The following UNC13C variants were observed in gnomAD, a reference collection of about 807,000 sequenced individuals.
The protein encoded by UNC13C is protein unc-13 homolog C.
In UNC13C, 174 loss-of-function variants were observed where a neutral mutation model predicts 245.4. The ratio of observed to expected loss-of-function variants is 0.71; its 90% CI spans 0.63 to 0.80. The LOEUF (loss-of-function observed/expected upper bound fraction) is 0.80, where lower values mean the gene tolerates loss of function less well. Among genes scored for constraint, UNC13C ranks in the 30% least tolerant of loss-of-function variants. UNC13C has a pLI of 0.00. For synonymous variants in UNC13C, 992 were observed against 895.1 expected (o/e 1.11, Z -1.93); for missense variants, 2,829 against 2,602.9 (o/e 1.09, Z -1.89).
At chr15:54,230,079 T>C (rs1206829935) in intron 4 of UNC13C, among the ~76,000 whole-genome samples, 1 of 58,312 alleles carries the variant, frequency 1.7e-5, no homozygotes, top group Non-Finnish European at 3.7e-5. Context: ...TGGCAATAAA[T>C]ATAGGAGTGA....
At chr15:54,360,203 A>G (rs779556954) in intron 17 of UNC13C, among the ~76,000 whole-genome samples, 28 of 152,032 alleles carry the variant, frequency 1.8e-4, no homozygotes, top group Non-Finnish European at 3.1e-4. Context: ...ATTTAGTAAG[A>G]CCTGTTCTGT....
chr15:54,406,844 A>G (rs1011697000), intron 18 of UNC13C, among the ~76,000 whole-genome samples: 1 of 152,188 alleles, frequency 6.6e-6, no homozygotes. Context: ...AAGGGAGGTG[A>G]TACTTGAGCT....
chr15:54,326,998 T>C (rs941008987), intron 14 of UNC13C, among the ~76,000 whole-genome samples: 19 of 152,028 alleles, frequency 1.2e-4, no homozygotes, highest in Non-Finnish European at 2.1e-4. Flanking sequence ...AGCGCATCAC[T>C]GAGTATAAAT....
intron 2 of UNC13C, among the ~76,000 whole-genome samples, chr15:54,030,241 G>A (rs1896300668): frequency 6.6e-6 from 1 of 152,052 alleles, no homozygotes; most frequent in South Asian, 2.1e-4. Flanking sequence ...CAGACCCGAG[G>A]TCATGACTAT....
intron 23 of UNC13C, among the ~76,000 whole-genome samples, chr15:54,511,083 G>C (rs1894716353): frequency 6.6e-6 from 1 of 152,084 alleles, no homozygotes; most frequent in African/African-American, 2.4e-5. Flanking sequence ...AGACACAGCA[G>C]CATGTACAAT....
At chr15:54,358,306 T>C (rs967082155) in intron 17 of UNC13C, among the ~76,000 whole-genome samples, 3 of 152,156 alleles carry the variant, frequency 2.0e-5, no homozygotes, top group African/African-American at 7.2e-5. Flanking sequence ...ATTTGGGTCT[T>C]TTGTTGTTCC....
In UNC13C at chr15:54,189,365, G is replaced by A. The variant is rs977568175; in HGVS notation, c.3072-45665G>A. On this transcript the variant is annotated intron_variant, in intron 4 of 32. Coordinates refer to ENST00000260323, the MANE Select transcript of UNC13C (RefSeq NM_001080534.3). ...TATAAAGTGGGCCCTCTGATGGTAC[G>A]ATTTTTTTTAAATTCAATTTATTTT... 8.5e-5 allele frequency among the ~76,000 whole-genome samples: 13 copies of A among 152,062 alleles called. No homozygotes were observed. In the South Asian group the frequency reaches 1.0e-3, roughly 12 times the overall value.
At chr15:54,583,595 T>G (rs1189904250) in intron 30 of UNC13C, among the ~76,000 whole-genome samples, 1 of 152,232 alleles carries the variant, frequency 6.6e-6, no homozygotes, top group Non-Finnish European at 1.5e-5. Context: ...GTTCAGTTTT[T>G]CTTCACGTAT....
intron 4 of UNC13C, among the ~76,000 whole-genome samples, chr15:54,201,897 T>C (rs2034535849): frequency 1.3e-5 from 2 of 151,992 alleles, no homozygotes; most frequent in Non-Finnish European, 1.5e-5. Flanking sequence ...GATGATGTGA[T>C]TGTATACCTA....
chr15:54,623,695 G>A, intron 31 of UNC13C, 100 bp from the exon 32 acceptor site: 1 of 1,044,004 alleles, frequency 9.6e-7, no homozygotes, highest in Non-Finnish European at 1.4e-6. Flanking sequence ...GTGGAGTTAG[G>A]GCACTATTAT....
chr15:54,484,747 C>T (rs963512922), intron 19 of UNC13C, among the ~76,000 whole-genome samples: 3 of 152,014 alleles, frequency 2.0e-5, no homozygotes, highest in Non-Finnish European at 4.4e-5. Flanking sequence ...AGAGAAATTC[C>T]TACAGTTTGT....
intron 10 of UNC13C, among the ~76,000 whole-genome samples, chr15:54,276,470 C>T (rs956519165): frequency 6.6e-6 from 1 of 152,032 alleles, no homozygotes; most frequent in African/African-American, 2.4e-5. Flanking sequence ...TGATCCTGAC[C>T]ACCACCATCC....
rs199581868 is a variant in UNC13C, at chr15:54,500,934, C to G, written c.5257C>G (p.Pro1753Ala). ...SFEIIKKLEC[P>A]NPEALSHLMR... ...TGAAATTATTAAGAAACTGGAATGC[C>G]CTAATCCTGAAGCATTATCTCACTT... The change falls in exon 22 of 33, where the codon CCT (proline) becomes GCT (alanine). Residue 1753 changes from proline (P) to alanine (A), a missense_variant. Pro to Ala is a conservative substitution (Grantham distance 27, BLOSUM62 -1). Coordinates refer to ENST00000260323, the MANE Select transcript of UNC13C (RefSeq NM_001080534.3). 9.9e-6 allele frequency: 16 copies of G among 1,612,778 alleles called. No homozygotes were observed. In the African/African-American group the frequency reaches 2.0e-4, roughly 20 times the overall value.
intron 30 of UNC13C, among the ~76,000 whole-genome samples, chr15:54,577,721 C>T (rs79030890): frequency 0.092 from 14,006 of 152,120 alleles, 1,578 homozygotes; most frequent in African/African-American, 0.27. Flanking sequence ...TTAGCAGTTC[C>T]ACTTTCCCTT....
At chr15:54,106,629 C>T (rs1369215746) in intron 2 of UNC13C, among the ~76,000 whole-genome samples, 1 of 152,164 alleles carries the variant, frequency 6.6e-6, no homozygotes, top group Non-Finnish European at 1.5e-5. Context: ...TTTTCTGTTC[C>T]ATGTGCCATC....
chr15:54,109,396 C>T (rs58143584), intron 2 of UNC13C, among the ~76,000 whole-genome samples: 65,435 of 137,510 alleles, frequency 0.48, 15,572 homozygotes, highest in East Asian at 0.61. Flanking sequence ...GGCTAGAGTG[C>T]AGTAGTGTGA....
intron 19 of UNC13C, among the ~76,000 whole-genome samples, chr15:54,481,484 T>C (rs1198292818): frequency 6.6e-6 from 1 of 151,974 alleles, no homozygotes; most frequent in Non-Finnish European, 1.5e-5. Context: ...TTGGAAGGTG[T>C]GTGTGTGTGT....
the UNC13C span, among the ~76,000 whole-genome samples, chr15:53,962,515 T>A: frequency 1.3e-5 from 2 of 152,186 alleles, no homozygotes; most frequent in Admixed American, 6.5e-5. Context: ...CCCCTGTTCT[T>A]GCAGCACACA....
rs538918588 is a variant in UNC13C, at chr15:54,353,085, T to C, written c.4713+14596T>C. Among the ~76,000 whole-genome samples, 3 of 152,286 alleles carry C rather than the reference T, an allele frequency of 2.0e-5. No homozygotes were observed. In the South Asian group the frequency reaches 6.2e-4, roughly 32 times the overall value. Reference sequence around the variant, plus strand: ...TAAATGTAATTCATTTATTCACATATATACAATAAATAAAATTTGTTGACT... The same window carrying C: ...TAAATGTAATTCATTTATTCACATACATACAATAAATAAAATTTGTTGACT... On this transcript the variant is annotated intron_variant, in intron 17 of 32. Transcript: ENST00000260323.
Sources: allele counts gnomAD v4.1 joint callset (sites outside exome capture counted in the v4.1 genomes callset), GRCh38; gene constraint gnomAD v4.1.1; transcripts MANE v1.5; gene names NCBI Gene and HGNC (gene_info 2026-07-23, HGNC 2026-07-21).